PIK3C2G: variants seen among roughly 807,000 people sequenced by gnomAD.
PIK3C2G encodes the protein phosphatidylinositol-4-phosphate 3-kinase catalytic subunit type 2 gamma, also known as phosphatidylinositol 3-kinase C2 domain-containing subunit gamma.
PIK3C2G carries 168 observed loss-of-function variants against 181.1 expected under a neutral mutation model. The observed-to-expected ratio is 0.93, with a 90% CI of 0.82 to 1.05. The LOEUF is 1.05. Ranked by LOEUF, PIK3C2G falls within the 50% of genes least tolerant of loss-of-function variation. PIK3C2G has a pLI of 0.00. For missense variants in PIK3C2G, 1,869 were observed against 1,732.8 expected, an observed-to-expected ratio of 1.08 and a Z score of -1.40; for synonymous variants, 573 against 592.2, an observed-to-expected ratio of 0.97 and a Z score of 0.47.
Position 18,546,398 on chromosome 12 carries a change from G to A in PIK3C2G, c.3556G>A (p.Asp1186Asn), listed in dbSNP as rs758566168. The A allele has an allele frequency of 6.3e-7, 1 of 1,599,502 alleles. No individual in the cohort carries two copies. Among genetic ancestry groups the A allele is most frequent in the Non-Finnish European group, 8.5e-7 (1 of 1,171,640 alleles). The change falls in exon 26 of 33, where the codon GAC (aspartate) becomes AAC (asparagine). Residue 1186 changes from aspartate (D) to asparagine (N), a missense_variant. Coordinates refer to ENST00000538779, the MANE Select transcript of PIK3C2G (RefSeq NM_001288772.2). ...TGTGTATAATAATCTTCGTCCACAA[G>A]ACACAGACCTGGAAGCAACAAGTCA... ...KYVYNNLRPQ[D>N]TDLEATSHFT...
intron 24 of PIK3C2G, among the ~76,000 whole-genome samples, chr12:18,513,222 A>G (rs973302666): frequency 2.0e-5 from 3 of 151,958 alleles, no homozygotes; most frequent in South Asian, 2.1e-4. Context: ...GTATTTTTGC[A>G]TCTACGTTAA....
intron 24 of PIK3C2G, among the ~76,000 whole-genome samples, chr12:18,521,958 G>A (rs1246041061): frequency 1.3e-5 from 2 of 152,158 alleles, no homozygotes; most frequent in South Asian, 4.1e-4. Context: ...AGGGTAGCAC[G>A]CTCACTTACT....
chr12:18,301,076 G>T (rs915970171), intron 5 of PIK3C2G, among the ~76,000 whole-genome samples: 1 of 152,020 alleles, frequency 6.6e-6, no homozygotes, highest in East Asian at 1.9e-4. Context: ...TAAATTTGCT[G>T]TTAGGCTGAT....
chr12:18,655,240 G>A, the PIK3C2G span, among the ~76,000 whole-genome samples: 17 of 152,228 alleles, frequency 1.1e-4, no homozygotes, highest in Non-Finnish European at 2.1e-4. Context: ...TTCAGGTAAA[G>A]AACCTGCTTC....
the PIK3C2G span, chr12:18,701,794 G>A: frequency 3.8e-6 from 6 of 1,585,098 alleles, no homozygotes; most frequent in African/African-American, 1.4e-5. Flanking sequence ...AACAATTTGA[G>A]AGATACAATT....
At chr12:18,572,118 G>A (rs1945976908) in intron 29 of PIK3C2G, among the ~76,000 whole-genome samples, 1 of 141,050 alleles carries the variant, frequency 7.1e-6, no homozygotes, top group South Asian at 2.1e-4. Context: ...AGAGCCCTAT[G>A]CCTATTTAAC....
At chr12:18,684,495 A>C in the PIK3C2G span, among the ~76,000 whole-genome samples, 3 of 152,040 alleles carry the variant, frequency 2.0e-5, no homozygotes, top group African/African-American at 7.2e-5. Flanking sequence ...AGAATGGATC[A>C]ACTCAATTAA....
chr12:18,507,558 G>A (rs762026734), intron 24 of PIK3C2G, among the ~76,000 whole-genome samples: 1 of 152,162 alleles, frequency 6.6e-6, no homozygotes, highest in Non-Finnish European at 1.5e-5. Context: ...TAGCTTATGA[G>A]GGACAAATGT....
chr12:18,465,091 T>C (rs1937714479), intron 18 of PIK3C2G, among the ~76,000 whole-genome samples: 2 of 151,932 alleles, frequency 1.3e-5, no homozygotes, highest in South Asian at 4.1e-4. Context: ...TACTGAAAAA[T>C]AAGAAACTTT....
chr12:18,346,708 C>T lies in PIK3C2G; in HGVS notation c.1497C>T (p.Asn499=), dbSNP rs765856761. ...SIYQLINVYC[N]SFYADFQPVN... is the part of the protein sequence containing the mutation. ...ACCAGCTAATCAATGTCTACTGTAA[C>T]AGCTTTTATGCAGATTTTCAGCCTG... Residue 499 remains asparagine (N), a synonymous_variant, in exon 11 of 33, where the codon AAC becomes AAT. Transcript: ENST00000538779. The T allele has an allele frequency of 2.5e-6, 4 of 1,613,190 alleles. No homozygotes were observed. The highest frequency in any genetic ancestry group is 3.4e-6 in the Non-Finnish European group (4 of 1,179,278).
At position 18,581,630 on chromosome 12, in the gene PIK3C2G, A is replaced by G. The variant is rs966244026; in HGVS notation, c.4012-12864A>G. ...AAAACTTGGGAATGGAGAGTGGGGC[A>G]AGAAGGAGTTTGAATCTAAACCCAC... On this transcript the variant is annotated intron_variant, in intron 29 of 32. Transcript: ENST00000538779. Among the ~76,000 whole-genome samples the G allele has an allele frequency of 5.1e-4, 77 of 152,198 alleles. 1 individual carries two copies. The highest frequency in any genetic ancestry group is 1.3e-4 in the Admixed American group (2 of 15,262).
chr12:18,538,377 T>C, intron 25 of PIK3C2G, 65 bp downstream of exon 25: 1 of 1,387,202 alleles, frequency 7.2e-7, no homozygotes, highest in South Asian at 1.4e-5. Flanking sequence ...TTCAGTAGTC[T>C]ATTTTTACTA....
intron 24 of PIK3C2G, among the ~76,000 whole-genome samples, chr12:18,532,136 T>C (rs1943587795): frequency 6.9e-6 from 1 of 145,550 alleles, no homozygotes; most frequent in South Asian, 2.3e-4. Flanking sequence ...GTTAATAATG[T>C]TGAACATCTT....
chr12:18,292,224 A>AT (rs1354183862), intron 4 of PIK3C2G, among the ~76,000 whole-genome samples: 138 of 105,566 alleles, frequency 1.3e-3, no homozygotes, highest in African/African-American at 3.4e-3. Context: ...AAAAAAAAAA[A>AT]AAAATATATA....
At chr12:18,585,156 T>G (rs931409005) in intron 29 of PIK3C2G, among the ~76,000 whole-genome samples, 23 of 152,234 alleles carry the variant, frequency 1.5e-4, no homozygotes, top group African/African-American at 5.3e-4. Flanking sequence ...GATAACCAGC[T>G]AACAATACAA....
At chr12:18,305,363 G>A (rs1304832181) in intron 5 of PIK3C2G, among the ~76,000 whole-genome samples, 4 of 152,086 alleles carry the variant, frequency 2.6e-5, no homozygotes, top group African/African-American at 9.7e-5. Flanking sequence ...AATTGCACAA[G>A]CATCATTAAC....
At chr12:18,288,158 G>A (rs954784198) in intron 3 of PIK3C2G, among the ~76,000 whole-genome samples, 12 of 151,852 alleles carry the variant, frequency 7.9e-5, no homozygotes, top group East Asian at 1.9e-4. Context: ...GGGAAACTCC[G>A]TCTCAAAAAA....
At chr12:18,384,214 AC>A (rs1565660887) in intron 14 of PIK3C2G, among the ~76,000 whole-genome samples, 1 of 152,110 alleles carries the variant, frequency 6.6e-6, no homozygotes, top group South Asian at 2.1e-4. Flanking sequence ...GATTTTAGAA[AC>A]TTTTTTTAAA....
At chr12:18,623,059 T>C (rs1203979169) in intron 31 of PIK3C2G, among the ~76,000 whole-genome samples, 1 of 151,936 alleles carries the variant, frequency 6.6e-6, no homozygotes, top group African/African-American at 2.4e-5. Flanking sequence ...TGTAATCCCA[T>C]TTGTCTATCT....
Sources: allele counts gnomAD v4.1 joint callset (sites outside exome capture counted in the v4.1 genomes callset), GRCh38; gene constraint gnomAD v4.1.1; transcripts MANE v1.5; gene names NCBI Gene and HGNC (gene_info 2026-07-23, HGNC 2026-07-21).